The following STON1 variants were observed in gnomAD, a reference collection of about 807,000 sequenced individuals.
The protein encoded by STON1 is stonin-1.
STON1 carries 79 observed loss-of-function variants against 60.9 expected under a neutral mutation model. That is an observed-to-expected ratio of 1.30 (90% CI 1.08 to 1.56). STON1 has a LOEUF of 1.56. STON1 is among the 40% of genes most tolerant of loss of function. The probability of loss-of-function intolerance (pLI) is 0.00; values close to 1 mark genes in which losing one functional copy is unlikely to be tolerated. For missense variants in STON1, 1,166 were observed against 858.9 expected, an observed-to-expected ratio of 1.36 and a Z score of -4.47; for synonymous variants, 363 against 306.9, an observed-to-expected ratio of 1.18 and a Z score of -1.91.
At chr2:48,573,048 T>A (rs928588655) in intron 1 of STON1, among the ~76,000 whole-genome samples, 14 of 152,244 alleles carry the variant, frequency 9.2e-5, no homozygotes, top group African/African-American at 3.4e-4. Flanking sequence ...GCCCTGTCAC[T>A]TTTTGTCTTG....
At chr2:48,583,793 C>T (rs1001037335) in intron 2 of STON1, among the ~76,000 whole-genome samples, 2 of 150,312 alleles carry the variant, frequency 1.3e-5, no homozygotes, top group African/African-American at 4.9e-5. Context: ...CGCTTTCTCA[C>T]CCAGGTGGAG....
At chr2:48,550,754 C>T (rs959959398) in intron 1 of STON1, among the ~76,000 whole-genome samples, 1 of 151,502 alleles carries the variant, frequency 6.6e-6, no homozygotes, top group Non-Finnish European at 1.5e-5. Context: ...TTTATAGCTG[C>T]TTTCCACATG....
At chr2:48,565,045 C>CTTTTTTT (rs35791710) in intron 1 of STON1, among the ~76,000 whole-genome samples, 12 of 86,494 alleles carry the variant, frequency 1.4e-4, no homozygotes, top group South Asian at 4.4e-4. Context: ...CCGGCTTCTT[C>CTTTTTTT]TTTTTTTTTT....
chr2:48,548,454 TG>T (rs1671949245), intron 1 of STON1, among the ~76,000 whole-genome samples: 1 of 152,168 alleles, frequency 6.6e-6, no homozygotes, highest in Non-Finnish European at 1.5e-5. Context: ...GCCAAATGCT[TG>T]CTTTCTCTGT....
At chr2:48,592,089 TA>T (rs2103959972) in intron 3 of STON1, among the ~76,000 whole-genome samples, 1 of 152,298 alleles carries the variant, frequency 6.6e-6, no homozygotes, top group South Asian at 2.1e-4. Flanking sequence ...AACAGGACAT[TA>T]AAAATGAATC....
rs760837790 is a variant in STON1, at chr2:48,581,149, G to A, written c.516G>A (p.Gln172=). Residue 172 remains glutamine (Q), a synonymous_variant, in exon 2 of 4, where the codon CAG becomes CAA. Coordinates refer to ENST00000404752, the MANE Select transcript of STON1 (RefSeq NM_006873.4). ...SLGFQSDDLP[Q]FQYFREDCAF... is the part of the protein sequence containing the mutation. The stretch of plus-strand genomic sequence containing the variant: ...GATTCCAAAGTGATGATCTCCCCCA[G>A]TTTCAGTATTTTCGAGAGGACTGTG... The A allele has an allele frequency of 2.6e-6, 4 of 1,566,060 alleles. No individual in the cohort carries two copies. The highest frequency in any genetic ancestry group is 2.6e-6 in the Non-Finnish European group (3 of 1,163,742).
chr2:48,582,697 A>T, intron 2 of STON1, 134 bp downstream of exon 2: 1 of 1,407,382 alleles, frequency 7.1e-7, no homozygotes, highest in South Asian at 1.5e-5. Flanking sequence ...TAGGAGATGG[A>T]ACATTTAGCT....
At chr2:48,589,044 T>C (rs1371543089) in intron 2 of STON1, among the ~76,000 whole-genome samples, 2 of 152,186 alleles carry the variant, frequency 1.3e-5, no homozygotes, top group Non-Finnish European at 2.9e-5. Flanking sequence ...GAGGTGTATA[T>C]GGTGGCACAG....
intron 3 of STON1, among the ~76,000 whole-genome samples, chr2:48,592,417 T>C (rs1674572117): frequency 6.6e-6 from 1 of 151,338 alleles, no homozygotes; most frequent in Non-Finnish European, 1.5e-5. Flanking sequence ...GCTGAGTTAC[T>C]CTATTATGGT....
chr2:48,590,006 G>T (rs1213398050), intron 2 of STON1, among the ~76,000 whole-genome samples: 1 of 152,164 alleles, frequency 6.6e-6, no homozygotes, highest in African/African-American at 2.4e-5. Flanking sequence ...AGAAACTGAG[G>T]CTCAGAGAGA....
chr2:48,576,192 T>C (rs1190329333), intron 1 of STON1, among the ~76,000 whole-genome samples: 207 of 120,298 alleles, frequency 1.7e-3, no homozygotes, highest in African/African-American at 6.3e-3. Flanking sequence ...TTTCTTTTTT[T>C]TTTTTTTTTT....
intron 1 of STON1, among the ~76,000 whole-genome samples, chr2:48,537,720 T>A (rs554572578): frequency 6.6e-6 from 1 of 151,662 alleles, no homozygotes; most frequent in Non-Finnish European, 1.5e-5. Flanking sequence ...CGTGGTGACA[T>A]GCACCTGTAA....
At chr2:48,563,900 A>C (rs925901993) in intron 1 of STON1, among the ~76,000 whole-genome samples, 3 of 150,562 alleles carry the variant, frequency 2.0e-5, no homozygotes, top group African/African-American at 7.4e-5. Flanking sequence ...AGGTCTCACT[A>C]TGTTGCCCAG....
intron 1 of STON1, among the ~76,000 whole-genome samples, chr2:48,567,372 C>T (rs1326167856): frequency 2.6e-5 from 4 of 152,170 alleles, no homozygotes; most frequent in Admixed American, 2.0e-4. Context: ...TCGCTTTCCC[C>T]TTTAGAACGA....
intron 1 of STON1, among the ~76,000 whole-genome samples, chr2:48,564,480 T>TTTCTTCTTCTTC (rs869188236): frequency 2.2e-4 from 7 of 32,482 alleles, no homozygotes; most frequent in African/African-American, 2.3e-4. Flanking sequence ...CTTCTTCTTC[T>TTTCTTCTTCTTC]TTCTTCTTCT....
intron 1 of STON1, among the ~76,000 whole-genome samples, chr2:48,563,460 C>T (rs1319429184): frequency 6.6e-6 from 1 of 152,196 alleles, no homozygotes; most frequent in Non-Finnish European, 1.5e-5. Context: ...ATCTGTGGCT[C>T]TTACTTGTCC....
At chr2:48,544,827 GTGAGCCAC>G (rs1671800497) in intron 1 of STON1, among the ~76,000 whole-genome samples, 1 of 152,216 alleles carries the variant, frequency 6.6e-6, no homozygotes, top group Non-Finnish European at 1.5e-5. Context: ...GATTACAGGC[GTGAGCCAC>G]TGAGCCCGGC....
At position 48,582,003 on chromosome 2, in the gene STON1, C is replaced by A. The variant is rs776598075; in HGVS notation, c.1370C>A (p.Thr457Asn). ...FVNGNLECFL[T>N]LNDLELPKRD... is the part of the protein sequence containing the mutation. ...AATGGGAACCTGGAATGCTTTTTAA[C>A]CTTGAATGACCTTGAGTTGCCGAAG... Residue 457 changes from threonine to asparagine, a missense_variant, in exon 2 of 4, where the codon ACC (threonine) becomes AAC (asparagine). By Grantham distance (65) the Thr-to-Asn change is moderately conservative (BLOSUM62 0). Transcript: ENST00000404752. The A allele has an allele frequency of 6.2e-7, 1 of 1,614,112 alleles. No individual in the cohort carries two copies. The highest frequency in any genetic ancestry group is 1.3e-5 in the African/African-American group (1 of 75,000).
intron 2 of STON1, among the ~76,000 whole-genome samples, chr2:48,584,509 C>G (rs911635169): frequency 2.0e-5 from 3 of 152,042 alleles, no homozygotes; most frequent in African/African-American, 7.2e-5. Context: ...CTCAAGTGAT[C>G]CACCCGCCTT....
Sources: gnomAD v4.1 joint callset for allele counts (sites outside exome capture counted in the v4.1 genomes callset) on GRCh38, gnomAD v4.1.1 for gene constraint, MANE v1.5 for transcripts, NCBI Gene and HGNC (gene_info 2026-07-23, HGNC 2026-07-21) for gene names.